PCNX1: variants seen among roughly 807,000 people sequenced by gnomAD.
PCNX1 encodes pecanex 1, also known as pecanex-like protein 1.
PCNX1 carries 78 observed loss-of-function variants against 242.2 expected under a neutral mutation model. The ratio of observed to expected loss-of-function variants is 0.32; its 90% confidence interval spans 0.27 to 0.39. PCNX1 has a LOEUF of 0.39. PCNX1 is among the 10% of genes least tolerant of loss of function. The pLI is 1.00. For missense variants in PCNX1, 2,581 were observed against 2,856.5 expected (o/e 0.90, Z 2.20); for synonymous variants, 1,024 against 1,032.9 (o/e 0.99, Z 0.17).
chr14:71,017,925 T>G (rs1220202103), intron 11 of PCNX1, among the ~76,000 whole-genome samples: 1 of 152,230 alleles, frequency 6.6e-6, no homozygotes, highest in Non-Finnish European at 1.5e-5. Flanking sequence ...GTGATAAATA[T>G]GGAATTGGGT....
chr14:71,053,810 C>T (rs1039688898), intron 24 of PCNX1, among the ~76,000 whole-genome samples: 2 of 152,038 alleles, frequency 1.3e-5, no homozygotes, highest in Admixed American at 6.6e-5. Context: ...ACTATATTTC[C>T]ACTCCCCCAA....
At chr14:70,966,297 TG>T (rs1329524846) in intron 3 of PCNX1, among the ~76,000 whole-genome samples, 1 of 152,220 alleles carries the variant, frequency 6.6e-6, no homozygotes, top group Non-Finnish European at 1.5e-5. Flanking sequence ...AAGAAATAGT[TG>T]TTTTTCACCT....
intron 19 of PCNX1, among the ~76,000 whole-genome samples, chr14:71,036,605 T>C (rs1595333196): frequency 6.6e-6 from 1 of 152,238 alleles, no homozygotes; most frequent in African/African-American, 2.4e-5. Flanking sequence ...TCAGTGATAG[T>C]AGGCTATACT....
At chr14:70,926,093 A>G (rs1235308227) in intron 1 of PCNX1, among the ~76,000 whole-genome samples, 1 of 152,054 alleles carries the variant, frequency 6.6e-6, no homozygotes, top group African/African-American at 2.4e-5. Flanking sequence ...TGACCAACAT[A>G]TTATGTGAAT....
intron 32 of PCNX1, among the ~76,000 whole-genome samples, chr14:71,103,917 T>C (rs2062533205): frequency 6.6e-6 from 1 of 152,206 alleles, no homozygotes; most frequent in Non-Finnish European, 1.5e-5. Context: ...GAAAATTCCC[T>C]TTATTTGTTT....
intron 1 of PCNX1, among the ~76,000 whole-genome samples, chr14:70,930,896 C>T (rs577352727): frequency 1.9e-4 from 29 of 152,254 alleles, no homozygotes; most frequent in African/African-American, 7.0e-4. Context: ...TTACCTCAAT[C>T]CCCAAAGGAG....
intron 1 of PCNX1, among the ~76,000 whole-genome samples, chr14:70,944,859 C>T (rs557306752): frequency 6.6e-6 from 1 of 152,334 alleles, no homozygotes; most frequent in East Asian, 1.9e-4. Context: ...TCCCCGTTCG[C>T]TTGGTATTCA....
chr14:70,975,692 A>G (rs2058669280), intron 5 of PCNX1, among the ~76,000 whole-genome samples: 1 of 152,034 alleles, frequency 6.6e-6, no homozygotes. Context: ...CTGTCAAAAC[A>G]TATATTTAAA....
At chr14:71,048,031 C>G in intron 22 of PCNX1, 47 bp downstream of exon 22, 1 of 1,402,684 alleles carries the variant, frequency 7.1e-7, no homozygotes, top group Non-Finnish European at 9.8e-7. Flanking sequence ...AAACTATCTC[C>G]CTGGGTTATA....
chr14:71,108,721 T>C lies in PCNX1; in HGVS notation c.6419T>C (p.Met2140Thr). The C allele has an allele frequency of 6.2e-7, 1 of 1,614,252 alleles. No individual in the cohort carries two copies. The highest frequency in any genetic ancestry group is 8.5e-7 in the Non-Finnish European group (1 of 1,180,038). ...CYSSRHSSLR[M>T]STTGFVPCRR... is the part of the protein sequence containing the mutation. ...AGCAGCCGGCATTCATCCCTCCGGA[T>C]GTCCACCACTGGGTTTGTGCCTTGT... The change falls in exon 34 of 36, where the codon ATG becomes ACG. Residue 2140 changes from methionine (M) to threonine (T), a missense_variant. Met to Thr is a moderately conservative substitution (Grantham distance 81, BLOSUM62 -1). This residue lies in a region of PCNX1 where 432 missense variants were observed against 433.6 expected (regional missense o/e 1.00). Coordinates refer to ENST00000304743, the MANE Select transcript of PCNX1 (RefSeq NM_014982.3).
intron 1 of PCNX1, among the ~76,000 whole-genome samples, chr14:70,918,482 C>T (rs886643741): frequency 4.6e-5 from 7 of 152,100 alleles, no homozygotes; most frequent in Middle Eastern, 3.4e-3. Context: ...TCAAAGATTA[C>T]TGATTACAGA....
intron 11 of PCNX1, among the ~76,000 whole-genome samples, chr14:71,015,283 A>C (rs2059931596): frequency 6.6e-6 from 1 of 152,202 alleles, no homozygotes; most frequent in African/African-American, 2.4e-5. Flanking sequence ...GGAAATGGTA[A>C]GTCACTATAT....
At chr14:71,072,915 T>G (rs190564756) in intron 26 of PCNX1, among the ~76,000 whole-genome samples, 115 of 152,360 alleles carry the variant, frequency 7.5e-4, no homozygotes, top group African/African-American at 2.6e-3. Flanking sequence ...GCCTTTACTC[T>G]TTGGTCCTTC....
In PCNX1 at chr14:70,997,875, A is replaced by C. The variant is rs74060524; in HGVS notation, c.2629+1950A>C. Among the ~76,000 whole-genome samples, 1,341 of 152,338 alleles carry C rather than the reference A, an allele frequency of 8.8e-3. 28 individuals carry two copies. Among genetic ancestry groups the C allele is most frequent in the African/African-American group, 0.03 (1,266 of 41,586 alleles). ...TAATTAGCAGTGAATTATGTGAATG[A>C]AAATACGTGAATGAATTTGGGTACT... On this transcript the variant is annotated intron_variant, in intron 8 of 35. Coordinates refer to ENST00000304743, the MANE Select transcript of PCNX1 (RefSeq NM_014982.3).
intron 24 of PCNX1, among the ~76,000 whole-genome samples, chr14:71,052,345 C>T (rs1484087650): frequency 6.6e-6 from 1 of 151,686 alleles, no homozygotes; most frequent in Non-Finnish European, 1.5e-5. Flanking sequence ...TCCTGAATAG[C>T]GAGGACTACA....
chr14:71,056,988 T>A (rs907944191), intron 25 of PCNX1, among the ~76,000 whole-genome samples: 17 of 152,174 alleles, frequency 1.1e-4, no homozygotes, highest in Non-Finnish European at 2.1e-4. Flanking sequence ...TTAATGTCTT[T>A]TTTTAAGGTT....
intron 22 of PCNX1, among the ~76,000 whole-genome samples, chr14:71,048,703 A>G (rs575301793): frequency 6.6e-6 from 1 of 152,168 alleles, no homozygotes; most frequent in Non-Finnish European, 1.5e-5. Context: ...ACAAAACACA[A>G]TGAAATTCCA....
chr14:71,015,253 C>T (rs549639644), intron 11 of PCNX1, among the ~76,000 whole-genome samples: 1 of 152,028 alleles, frequency 6.6e-6, no homozygotes, highest in Non-Finnish European at 1.5e-5. Flanking sequence ...ATAAGTCTAC[C>T]CAAAGGAACA....
At chr14:71,066,505 T>G (rs1170744366) in intron 26 of PCNX1, among the ~76,000 whole-genome samples, 1 of 152,248 alleles carries the variant, frequency 6.6e-6, no homozygotes, top group Non-Finnish European at 1.5e-5. Context: ...AAGGAGATTT[T>G]GGGCTGAGAC....
Sources: gnomAD v4.1 joint callset for allele counts (sites outside exome capture counted in the v4.1 genomes callset) on GRCh38, gnomAD v4.1.1 for gene constraint, gnomAD v4.1.1 regional missense constraint, MANE v1.5 for transcripts, NCBI Gene and HGNC (gene_info 2026-07-23, HGNC 2026-07-21) for gene names.